Variants in CRYBB2 observed in about 807,000 individuals in gnomAD.
The protein encoded by CRYBB2 is crystallin beta B2, also known as beta-crystallin B2.
A neutral mutation model predicts 24.3 loss-of-function variants in CRYBB2; 12 were observed. The ratio of observed to expected loss-of-function variants is 0.49; its 90% confidence interval spans 0.32 to 0.80. CRYBB2 has a LOEUF of 0.80. Ranked by LOEUF, CRYBB2 falls within the 30% of genes least tolerant of loss-of-function variation. The probability of loss-of-function intolerance (pLI) is 0.04; values close to 1 mark genes in which losing one functional copy is unlikely to be tolerated. For missense variants in CRYBB2, 198 were observed against 268.5 expected, an observed-to-expected ratio of 0.74 and a Z score of 1.83; for synonymous variants, 98 against 101.6, an observed-to-expected ratio of 0.96 and a Z score of 0.21.
intron 5 of CRYBB2, 80 bp downstream of exon 5, chr22:25,229,658 A>T: frequency 6.3e-7 from 1 of 1,583,694 alleles, no homozygotes; most frequent in Non-Finnish European, 8.6e-7. Context: ...TGCCCTGTAC[A>T]CGCTGGTGAT....
rs558749555 is a variant in CRYBB2, at chr22:25,231,074, C to T, written c.450-530C>T. ...GAATGCGAAGTAGAGCTGGAGGTGTCCACAGAAACTGGCCAGGCAGGTCCT... is the reference window on the plus strand; with the variant it reads ...GAATGCGAAGTAGAGCTGGAGGTGTTCACAGAAACTGGCCAGGCAGGTCCT... On this transcript the variant is annotated intron_variant, in intron 5 of 5. Transcript: ENST00000398215. 1.1e-4 allele frequency among the ~76,000 whole-genome samples: 17 copies of T among 152,232 alleles called. No individual in the cohort carries two copies. In the South Asian group the frequency reaches 2.1e-3, roughly 19 times the overall value.
At chr22:25,229,254 A>G (rs1171119104) in intron 4 of CRYBB2, among the ~76,000 whole-genome samples, 182 bp from the exon 5 acceptor site, 1 of 152,232 alleles carries the variant, frequency 6.6e-6, no homozygotes, top group Non-Finnish European at 1.5e-5. Flanking sequence ...AAAATGGCCC[A>G]GTAGAAACTT....
chr22:25,217,961 A>G (rs527908667), upstream of CRYBB2, among the ~76,000 whole-genome samples: 2 of 152,240 alleles, frequency 1.3e-5, no homozygotes, highest in African/African-American at 4.8e-5. Flanking sequence ...TGTGTGCACT[A>G]AAGAAACATG....
At chr22:25,218,831 AAAGAAAG>A (rs1935269001), upstream of CRYBB2, among the ~76,000 whole-genome samples, 1 of 114,926 alleles carries the variant, frequency 8.7e-6, no homozygotes, top group Admixed American at 7.9e-5. Flanking sequence ...AGAAAGAAAG[AAAGAAAG>A]AGAAAGAAAG....
At chr22:25,224,853 G>T in intron 2 of CRYBB2, 65 bp from the exon 3 acceptor site, 1 of 898,186 alleles carries the variant, frequency 1.1e-6, no homozygotes, top group Non-Finnish European at 1.9e-6. Context: ...CCCTCCCCAC[G>T]TCTACCACCC....
chr22:25,229,072 CGTGTGCACACATGTGTGG>C (rs1935483409), intron 4 of CRYBB2, among the ~76,000 whole-genome samples: 1 of 137,716 alleles, frequency 7.3e-6, no homozygotes, highest in Non-Finnish European at 1.6e-5. Flanking sequence ...TGCATGTGTG[CGTGTGCACACATGTGTGG>C]GTGTGCATGT....
chr22:25,212,463 T>C (rs12165578), upstream of CRYBB2, among the ~76,000 whole-genome samples: 21,222 of 152,234 alleles, frequency 0.14, 1,567 homozygotes, highest in South Asian at 0.27. Flanking sequence ...CTGTGGTCAC[T>C]GCCCCCAGGA....
chr22:25,218,755 GAGAGAGAGAGAGAGAGAGAGAGAGAAGA>G (rs1935240124), upstream of CRYBB2, among the ~76,000 whole-genome samples: 3 of 37,804 alleles, frequency 7.9e-5, no homozygotes, highest in African/African-American at 1.5e-4. Flanking sequence ...GAGAGAGAGA[GAGAGAGAGAGAGAGAGAGAGAGAGAAGA>G]AAGAAAGAAA....
chr22:25,231,341 ACAGTACAGTACAGG>A, intron 5 of CRYBB2, among the ~76,000 whole-genome samples: 1 of 114,928 alleles, frequency 8.7e-6, no homozygotes, highest in African/African-American at 3.7e-5. Context: ...ACAGTACAGT[ACAGTACAGTACAGG>A]CCTTCAGTCA....
Position 25,229,507 on chromosome 22 carries a change from TGAC to T in CRYBB2, c.381_383del (p.Asp128del). ...CCGGGAAGAAGATGGAAATCATAGA[TGAC>T]GATGTACCCAGCTTCCACGCCCATG... is the stretch of plus-strand genomic sequence containing the variant. On this transcript the variant is annotated inframe_deletion, in exon 5 of 6. Transcript: ENST00000398215. 1 of 1,614,178 alleles carries T rather than the reference TGAC, an allele frequency of 6.2e-7. No homozygotes were observed. The highest frequency in any genetic ancestry group is 8.5e-7 in the Non-Finnish European group (1 of 1,180,034).
chr22:25,214,540 G>C (rs935525440), intron 1 of CRYBB2, among the ~76,000 whole-genome samples: 1 of 151,700 alleles, frequency 6.6e-6, no homozygotes, highest in African/African-American at 2.4e-5. Context: ...TTGAGTGTGG[G>C]AGTGAAAAGA....
At chr22:25,231,107 C>T (rs1337172368) in intron 5 of CRYBB2, among the ~76,000 whole-genome samples, 3 of 152,226 alleles carry the variant, frequency 2.0e-5, no homozygotes, top group East Asian at 3.9e-4. Context: ...CCTTGCAGGC[C>T]AGGCCTGTGT....
chr22:25,218,215 T>A (rs6004489), upstream of CRYBB2, among the ~76,000 whole-genome samples: 4 of 148,846 alleles, frequency 2.7e-5, no homozygotes, highest in Non-Finnish European at 4.5e-5. Flanking sequence ...GCTGAGATCG[T>A]GCCACTGCAC....
intron 4 of CRYBB2, among the ~76,000 whole-genome samples, chr22:25,228,431 TGGA>T (rs1334235139): frequency 6.7e-6 from 1 of 150,048 alleles, no homozygotes; most frequent in African/African-American, 2.5e-5. Flanking sequence ...AGTTTGGGGC[TGGA>T]GGAGAAGGTG....
At chr22:25,229,947 C>G (rs1007482849) in intron 5 of CRYBB2, among the ~76,000 whole-genome samples, 2 of 151,086 alleles carry the variant, frequency 1.3e-5, no homozygotes, top group African/African-American at 4.9e-5. Flanking sequence ...AGCAGGAGGA[C>G]CAGCCCATGC....
intron 2 of CRYBB2, among the ~76,000 whole-genome samples, chr22:25,223,215 TGTGCACAG>T (rs1384444995): frequency 1.3e-5 from 2 of 152,226 alleles, no homozygotes; most frequent in Admixed American, 1.3e-4. Flanking sequence ...CCCAGTGTTG[TGTGCACAG>T]GTTAGAGTCT....
chr22:25,215,333 G>A (rs1935155637), upstream of CRYBB2, among the ~76,000 whole-genome samples: 2 of 152,378 alleles, frequency 1.3e-5, no homozygotes, highest in Middle Eastern at 3.4e-3. Flanking sequence ...TGCTCCTGCT[G>A]CAGATAACTA....
At chr22:25,231,339 GTACAGTACAGTAC>G in intron 5 of CRYBB2, among the ~76,000 whole-genome samples, 1 of 147,302 alleles carries the variant, frequency 6.8e-6, no homozygotes, top group Non-Finnish European at 1.5e-5. Flanking sequence ...GTACAGTACA[GTACAGTACAGTAC>G]AGGCCTTCAG....
intron 5 of CRYBB2, 88 bp downstream of exon 5, chr22:25,229,666 G>A (rs1935498331): frequency 6.4e-7 from 1 of 1,567,778 alleles, no homozygotes; most frequent in Non-Finnish European, 8.7e-7. Context: ...ACACGCTGGT[G>A]ATCTTGCACA....
Sources: gnomAD v4.1 joint callset for allele counts (sites outside exome capture counted in the v4.1 genomes callset) on GRCh38, gnomAD v4.1.1 for gene constraint, MANE v1.5 for transcripts, NCBI Gene and HGNC (gene_info 2026-07-23, HGNC 2026-07-21) for gene names.